Variants in ANKS1B observed in about 807,000 individuals in gnomAD.
ANKS1B encodes ankyrin repeat and sterile alpha motif domain-containing protein 1B.
ANKS1B carries 36 observed loss-of-function variants against 148.3 expected under a neutral mutation model. That is an observed-to-expected ratio of 0.24 (90% confidence interval 0.19 to 0.32). The LOEUF (loss-of-function observed/expected upper bound fraction) is 0.32. Among genes scored for constraint, ANKS1B ranks in the 10% least tolerant of loss-of-function variants. The probability of loss-of-function intolerance (pLI) is 1.00; values close to 1 mark genes in which losing one functional copy is unlikely to be tolerated. For synonymous variants in ANKS1B, 542 were observed against 560.8 expected (o/e 0.97, Z 0.47); for missense variants, 1,157 against 1,542.6 (o/e 0.75, Z 4.19).
Position 99,578,133 on chromosome 12 carries a change from T to C in ANKS1B, c.1273-73492A>G, listed in dbSNP as rs76403512. Among the ~76,000 whole-genome samples the C allele has an allele frequency of 4.6e-5, 7 of 152,234 alleles. No homozygotes were observed. The East Asian group carries it at 9.7e-4, about 21-fold the overall frequency. On this transcript the variant is annotated intron_variant, in intron 9 of 26. Coordinates refer to ENST00000683438, the MANE Select transcript of ANKS1B (RefSeq NM_001352186.2). ...AAATAAAACCATATGATTTTGTCAA[T>C]AGACATGGAAAAAGTCTTTGATAAA...
At chr12:98,752,448 G>A (rs1212846660) in intron 25 of ANKS1B, among the ~76,000 whole-genome samples, 3 of 151,936 alleles carry the variant, frequency 2.0e-5, no homozygotes, top group South Asian at 2.1e-4. Flanking sequence ...TAGTAGAGAC[G>A]GGGTTTCACT....
intron 4 of ANKS1B, among the ~76,000 whole-genome samples, chr12:99,785,197 CTTT>C (rs11313851): frequency 7.3e-6 from 1 of 137,328 alleles, no homozygotes; most frequent in Non-Finnish European, 1.6e-5. Context: ...TTAGTTGTCT[CTTT>C]TTTTTTTTTT....
chr12:99,492,139 T>C (rs1332008306), intron 10 of ANKS1B, among the ~76,000 whole-genome samples: 1 of 151,798 alleles, frequency 6.6e-6, no homozygotes, highest in Non-Finnish European at 1.5e-5. Context: ...AAAAAATTAA[T>C]AAGATAGGCC....
intron 22 of ANKS1B, among the ~76,000 whole-genome samples, chr12:98,782,739 G>A (rs545124657): frequency 3.3e-5 from 5 of 152,278 alleles, no homozygotes; most frequent in Admixed American, 6.5e-5. Flanking sequence ...TTTAATATCT[G>A]TTGTTGTATA....
chr12:98,787,678 G>C (rs1266420321), intron 22 of ANKS1B, among the ~76,000 whole-genome samples: 1 of 152,076 alleles, frequency 6.6e-6, no homozygotes, highest in African/African-American at 2.4e-5. Flanking sequence ...CCAGCACGTA[G>C]GGAGGCTGAG....
chr12:98,852,333 A>G (rs556889617), intron 17 of ANKS1B, among the ~76,000 whole-genome samples: 6 of 152,302 alleles, frequency 3.9e-5, no homozygotes, highest in Admixed American at 2.0e-4. Context: ...CGGCAGAAAC[A>G]GCAGGGTTGG....
chr12:99,401,911 G>A (rs930371881), intron 11 of ANKS1B, among the ~76,000 whole-genome samples: 2 of 146,496 alleles, frequency 1.4e-5, no homozygotes, highest in African/African-American at 5.2e-5. Context: ...AAGTTTTATT[G>A]GAACAAAACT....
At chr12:99,001,144 A>AT (rs1379783606) in intron 17 of ANKS1B, among the ~76,000 whole-genome samples, 2 of 151,216 alleles carry the variant, frequency 1.3e-5, no homozygotes, top group Non-Finnish European at 3.0e-5. Context: ...TTTTGTGTTT[A>AT]TTTTTTTTGA....
chr12:99,925,497 C>T (rs1394757273), intron 1 of ANKS1B, among the ~76,000 whole-genome samples: 1 of 152,090 alleles, frequency 6.6e-6, no homozygotes, highest in Non-Finnish European at 1.5e-5. Context: ...TTTATACCAC[C>T]CAGATGGTCT....
intron 17 of ANKS1B, among the ~76,000 whole-genome samples, chr12:99,001,119 AT>A (rs1380825047): frequency 2.0e-5 from 3 of 151,434 alleles, no homozygotes; most frequent in Non-Finnish European, 4.4e-5. Context: ...TATTTCTGAG[AT>A]CCTGATTTTA....
chr12:99,774,374 T>A (rs1415708059), intron 7 of ANKS1B, among the ~76,000 whole-genome samples: 1 of 152,062 alleles, frequency 6.6e-6, no homozygotes, highest in Non-Finnish European at 1.5e-5. Context: ...CCAAGGTATA[T>A]GAAAAGGTGC....
At chr12:99,372,629 T>C (rs1250694284) in intron 12 of ANKS1B, among the ~76,000 whole-genome samples, 2 of 152,262 alleles carry the variant, frequency 1.3e-5, no homozygotes, top group South Asian at 2.1e-4. Flanking sequence ...GAAAAATTGC[T>C]ACATATTAGC....
At chr12:98,863,117 T>C (rs4762517) in intron 17 of ANKS1B, among the ~76,000 whole-genome samples, 26,398 of 152,196 alleles carry the variant, frequency 0.17, 2,453 homozygotes, top group Admixed American at 0.22. Flanking sequence ...AAAGACATGC[T>C]TTACAGATAT....
At chr12:99,329,792 T>C (rs2087151803) in intron 12 of ANKS1B, among the ~76,000 whole-genome samples, 1 of 151,894 alleles carries the variant, frequency 6.6e-6, no homozygotes, top group Admixed American at 6.6e-5. Context: ...AGTGTTTTTC[T>C]TACATCAATT....
intron 1 of ANKS1B, among the ~76,000 whole-genome samples, chr12:99,933,641 G>A (rs1470240740): frequency 6.6e-6 from 1 of 152,000 alleles, no homozygotes; most frequent in Non-Finnish European, 1.5e-5. Context: ...GTTTTTTGGT[G>A]GGGGCTTCAG....
intron 12 of ANKS1B, among the ~76,000 whole-genome samples, chr12:99,323,432 T>C (rs998077555): frequency 6.6e-6 from 1 of 152,200 alleles, no homozygotes; most frequent in Non-Finnish European, 1.5e-5. Flanking sequence ...GCAATTTTAC[T>C]TCCTTAGCCA....
chr12:98,963,184 CT>C lies in ANKS1B; in HGVS notation c.2778+89972del, dbSNP rs978075361. Among the ~76,000 whole-genome samples the C allele has an allele frequency of 2.8e-3, 405 of 146,550 alleles. 1 individual carries two copies. The highest frequency in any genetic ancestry group is 8.9e-3 in the African/African-American group (360 of 40,256). Reference sequence around the variant, plus strand: ...GTTTTTCTTTTTCTTTTTTTCCTTTCTTTTTTTTTTTCTGAGACAGAGTTTG... The same window carrying C: ...GTTTTTCTTTTTCTTTTTTTCCTTTCTTTTTTTTTTCTGAGACAGAGTTTG... On this transcript the variant is annotated intron_variant, in intron 17 of 26. Transcript: ENST00000683438.
At chr12:99,707,638 TG>T (rs1442751963) in intron 8 of ANKS1B, among the ~76,000 whole-genome samples, 1 of 151,874 alleles carries the variant, frequency 6.6e-6, no homozygotes, top group Admixed American at 6.6e-5. Context: ...AGGTGATATG[TG>T]GGTGGTGAAA....
At chr12:99,119,310 A>G (rs1409544658) in intron 15 of ANKS1B, among the ~76,000 whole-genome samples, 1 of 152,096 alleles carries the variant, frequency 6.6e-6, no homozygotes, top group Non-Finnish European at 1.5e-5. Flanking sequence ...GAGGTAAGGA[A>G]CATATTACCC....
Sources: allele counts gnomAD v4.1 joint callset (sites outside exome capture counted in the v4.1 genomes callset), GRCh38; gene constraint gnomAD v4.1.1; transcripts MANE v1.5; gene names NCBI Gene and HGNC (gene_info 2026-07-23, HGNC 2026-07-21).